RP1: variants seen among roughly 807,000 people sequenced by gnomAD.
RP1 encodes the protein RP1 axonemal microtubule associated.
In RP1, 16 loss-of-function variants were observed where a neutral mutation model predicts 14.8. That is an observed-to-expected ratio of 1.08 (90% CI 0.73 to 1.65). The LOEUF is 1.65. RP1 is among the 40% of genes most tolerant of loss of function. RP1 has a pLI of 0.00. For missense variants in RP1, 2,631 were observed against 2,535.0 expected (o/e 1.04, Z -0.81); for synonymous variants, 876 against 883.6 (o/e 0.99, Z 0.15).
chr8:54,630,443 G>T lies in RP1; in HGVS notation c.*90G>T. The T allele has an allele frequency of 6.4e-7, 1 of 1,554,172 alleles. No homozygotes were observed. Among genetic ancestry groups the T allele is most frequent in the South Asian group, 1.2e-5 (1 of 82,602 alleles). The stretch of plus-strand genomic sequence containing the variant: ...CGAATACGGACTAGATAACCTCTAA[G>T]AATTTTCCACTTCTTCAAAATGAAC... On this transcript the variant is annotated 3_prime_UTR_variant, in exon 4 of 4. Coordinates refer to ENST00000220676, the MANE Select transcript of RP1 (RefSeq NM_006269.2).
intron 15 of RP1, among the ~76,000 whole-genome samples, chr8:54,710,358 C>T (rs1003007809): frequency 2.8e-4 from 42 of 152,194 alleles, no homozygotes; most frequent in African/African-American, 1.0e-3. Context: ...GGCCCCATGG[C>T]AGCATCCAGA....
intron 7 of RP1, among the ~76,000 whole-genome samples, chr8:54,667,877 A>G (rs1185641113): frequency 6.6e-6 from 1 of 152,128 alleles, no homozygotes; most frequent in East Asian, 1.9e-4. Context: ...GGCCAGGACA[A>G]GACAGATTCA....
chr8:54,576,310 G>T (rs561830826), intron 1 of RP1, among the ~76,000 whole-genome samples: 50 of 152,322 alleles, frequency 3.3e-4, no homozygotes, highest in African/African-American at 1.2e-3. Context: ...CTCCCAAAGT[G>T]CTGGGATTAC....
intron 27 of RP1, among the ~76,000 whole-genome samples, chr8:54,858,366 A>G (rs546948161): frequency 6.6e-6 from 1 of 152,360 alleles, no homozygotes; most frequent in African/African-American, 2.4e-5. Context: ...GTGTCACTGT[A>G]GAGTGGTGTT....
intron 24 of RP1, among the ~76,000 whole-genome samples, chr8:54,800,460 C>T (rs540963392): frequency 6.6e-6 from 1 of 151,962 alleles, no homozygotes; most frequent in African/African-American, 2.4e-5. Context: ...ATGCCCTGTT[C>T]TCTTTCTTCT....
intron 8 of RP1, chr8:54,678,442 T>G: frequency 6.5e-7 from 1 of 1,527,750 alleles, no homozygotes; most frequent in East Asian, 2.5e-5. Flanking sequence ...CACATTTTCA[T>G]TCTTTAATTT....
intron 26 of RP1, among the ~76,000 whole-genome samples, chr8:54,855,216 G>A (rs1476679292): frequency 6.6e-6 from 1 of 152,168 alleles, no homozygotes; most frequent in Middle Eastern, 3.2e-3. Flanking sequence ...TTTCATGCAT[G>A]TTGTAGCATG....
chr8:54,852,041 A>C (rs566736270), intron 25 of RP1, among the ~76,000 whole-genome samples: 1 of 152,288 alleles, frequency 6.6e-6, no homozygotes, highest in African/African-American at 2.4e-5. Flanking sequence ...AATACAGTGG[A>C]TTATAATTTG....
chr8:54,639,825 T>C (rs1183207042), intron 3 of RP1, among the ~76,000 whole-genome samples: 1 of 152,158 alleles, frequency 6.6e-6, no homozygotes, highest in Non-Finnish European at 1.5e-5. Flanking sequence ...GAGAAGCAAT[T>C]ATATATATAA....
At chr8:54,636,978 T>C (rs58198346) in intron 3 of RP1, among the ~76,000 whole-genome samples, 1 of 152,184 alleles carries the variant, frequency 6.6e-6, no homozygotes, top group Non-Finnish European at 1.5e-5. Context: ...CTTTGCTTAC[T>C]TTCTCCCTGT....
chr8:54,732,207 G>A (rs934005123), intron 17 of RP1, among the ~76,000 whole-genome samples: 18 of 152,204 alleles, frequency 1.2e-4, no homozygotes, highest in Middle Eastern at 6.8e-3. Flanking sequence ...GTCTTTCTGC[G>A]AAATTCTGAG....
intron 19 of RP1, among the ~76,000 whole-genome samples, chr8:54,749,144 C>T (rs758934709): frequency 6.6e-6 from 1 of 152,046 alleles, no homozygotes; most frequent in African/African-American, 2.4e-5. Context: ...TCCTGGCTAA[C>T]ATGGTGAAAC....
At chr8:54,836,274 G>T (rs967635225) in intron 24 of RP1, among the ~76,000 whole-genome samples, 10 of 152,140 alleles carry the variant, frequency 6.6e-5, no homozygotes, top group South Asian at 4.1e-4. Context: ...CAGATTAAAT[G>T]GTTTCTAATT....
chr8:54,655,208 A>G (rs987948263), intron 5 of RP1, among the ~76,000 whole-genome samples: 1 of 152,216 alleles, frequency 6.6e-6, no homozygotes, highest in Non-Finnish European at 1.5e-5. Flanking sequence ...AGTAATTTTG[A>G]ATATTTAGGT....
chr8:54,635,255 A>G (rs1465368129), downstream of RP1, among the ~76,000 whole-genome samples: 2 of 152,194 alleles, frequency 1.3e-5, no homozygotes, highest in Admixed American at 1.3e-4. Flanking sequence ...AGAACAAAAA[A>G]CAAAGGTCAA....
At chr8:54,833,604 G>T (rs931899396) in intron 24 of RP1, among the ~76,000 whole-genome samples, 8 of 152,004 alleles carry the variant, frequency 5.3e-5, no homozygotes, top group Non-Finnish European at 1.0e-4. Flanking sequence ...GGGGACCTTG[G>T]CTTTAACCTT....
intron 22 of RP1, among the ~76,000 whole-genome samples, chr8:54,761,161 T>G (rs1809628803): frequency 6.6e-6 from 1 of 152,052 alleles, no homozygotes; most frequent in African/African-American, 2.4e-5. Context: ...GTAATTTAGA[T>G]GCAGTCACTG....
At chr8:54,867,051 A>G (rs1013840889) in intron 28 of RP1, among the ~76,000 whole-genome samples, 1 of 152,182 alleles carries the variant, frequency 6.6e-6, no homozygotes, top group Non-Finnish European at 1.5e-5. Context: ...ATTGATGCTC[A>G]ATAAGGGAGG....
chr8:54,856,650 T>C (rs1373378524), intron 26 of RP1, among the ~76,000 whole-genome samples: 1 of 152,180 alleles, frequency 6.6e-6, no homozygotes, highest in African/African-American at 2.4e-5. Flanking sequence ...TGAGTAGTAC[T>C]GACCTTATGG....
Sources: gnomAD v4.1 joint callset for allele counts (sites outside exome capture counted in the v4.1 genomes callset) on GRCh38, gnomAD v4.1.1 for gene constraint, MANE v1.5 for transcripts, NCBI Gene and HGNC (gene_info 2026-07-23, HGNC 2026-07-21) for gene names.